KAZN: variants seen among roughly 807,000 people sequenced by gnomAD.
KAZN encodes the protein kazrin.
KAZN carries 40 observed loss-of-function variants against 87.4 expected under a neutral mutation model. The ratio of observed to expected loss-of-function variants is 0.46; its 90% CI spans 0.36 to 0.60. The LOEUF is 0.60. Among genes scored for constraint, KAZN ranks in the 20% least tolerant of loss-of-function variants. The probability of loss-of-function intolerance (pLI) is 0.00; values close to 1 mark genes in which losing one functional copy is unlikely to be tolerated. For synonymous variants in KAZN, 466 were observed against 458.3 expected (o/e 1.02, Z -0.22); for missense variants, 898 against 1,073.9 (o/e 0.84, Z 2.29).
intron 1 of KAZN, among the ~76,000 whole-genome samples, chr1:13,949,279 TG>T: frequency 6.6e-6 from 1 of 151,402 alleles, no homozygotes; most frequent in South Asian, 2.1e-4. Flanking sequence ...GTTTTGTTAC[TG>T]AATCATTCCC....
In KAZN at chr1:14,902,584, G is replaced by A. The variant is rs565434322; in HGVS notation, c.227-58100G>A. 2.6e-5 allele frequency among the ~76,000 whole-genome samples: 4 copies of A among 152,228 alleles called. No homozygotes were observed. The East Asian group carries it at 7.8e-4, about 30-fold the overall frequency. ...GTTTCCAAGGGGAGGCTAATATTCA[G>A]CTAGAGCCAGAAAAATACAGTTCCT... On this transcript the variant is annotated intron_variant, in intron 1 of 14. Coordinates refer to ENST00000376030, the MANE Select transcript of KAZN (RefSeq NM_201628.3).
chr1:13,992,992 T>C (rs1264017670), intron 1 of KAZN, among the ~76,000 whole-genome samples: 2 of 152,246 alleles, frequency 1.3e-5, no homozygotes, highest in African/African-American at 4.8e-5. Context: ...TGATAGAGTC[T>C]ATGACTGGTG....
intron 2 of KAZN, among the ~76,000 whole-genome samples, chr1:14,997,200 C>CATTTA (rs1667962407): frequency 1.6e-5 from 2 of 126,806 alleles, no homozygotes; most frequent in South Asian, 5.1e-4. Flanking sequence ...TTCTTTCTTT[C>CATTTA]TTTCATTTAT....
At chr1:15,023,913 G>A (rs1670932017) in intron 2 of KAZN, among the ~76,000 whole-genome samples, 1 of 149,948 alleles carries the variant, frequency 6.7e-6, no homozygotes, top group South Asian at 2.2e-4. Context: ...AGTTTGGGGG[G>A]GTGGTCAAGG....
At chr1:14,992,684 C>T (rs1424862409) in intron 2 of KAZN, among the ~76,000 whole-genome samples, 3 of 152,124 alleles carry the variant, frequency 2.0e-5, no homozygotes, top group Non-Finnish European at 4.4e-5. Context: ...AGCCCTATCG[C>T]CCAGGCTGGA....
intron 1 of KAZN, among the ~76,000 whole-genome samples, chr1:13,977,739 A>G (rs1638432045): frequency 6.6e-6 from 1 of 152,214 alleles, no homozygotes; most frequent in South Asian, 2.1e-4. Flanking sequence ...TGATGCCTAG[A>G]CAGTTGAGAG....
chr1:14,873,788 G>A (rs1362816509), intron 1 of KAZN, among the ~76,000 whole-genome samples: 1 of 152,188 alleles, frequency 6.6e-6, no homozygotes, highest in African/African-American at 2.4e-5. Flanking sequence ...AGTTTGTGGT[G>A]GCTGGGACCA....
intron 2 of KAZN, among the ~76,000 whole-genome samples, chr1:14,521,477 C>T (rs1034459019): frequency 6.6e-6 from 1 of 152,176 alleles, no homozygotes; most frequent in Non-Finnish European, 1.5e-5. Flanking sequence ...CAGGCCAGGC[C>T]TTTCTGTGAA....
intron 8 of KAZN, among the ~76,000 whole-genome samples, chr1:15,082,138 C>A (rs1274169865): frequency 6.6e-6 from 1 of 151,948 alleles, no homozygotes; most frequent in Non-Finnish European, 1.5e-5. Flanking sequence ...AACTCTGCCT[C>A]AGTGGCAGCC....
At chr1:14,197,616 A>G (rs1646555189) in intron 2 of KAZN, among the ~76,000 whole-genome samples, 1 of 152,142 alleles carries the variant, frequency 6.6e-6, no homozygotes, top group Admixed American at 6.6e-5. Flanking sequence ...TAAACCCAGG[A>G]GGCAGAGGTT....
intron 1 of KAZN, among the ~76,000 whole-genome samples, chr1:14,748,222 T>A (rs1240146034): frequency 6.6e-6 from 1 of 152,222 alleles, no homozygotes; most frequent in Non-Finnish European, 1.5e-5. Context: ...AAACATCTTT[T>A]AATAAAAATG....
intron 2 of KAZN, among the ~76,000 whole-genome samples, chr1:14,569,838 C>T (rs113035906): frequency 0.011 from 1,708 of 150,884 alleles, 29 homozygotes; most frequent in African/African-American, 0.04. Flanking sequence ...CCCCACCAGG[C>T]GTGGTGGCTC....
chr1:14,273,883 T>C (rs1652145518), intron 2 of KAZN, among the ~76,000 whole-genome samples: 1 of 152,118 alleles, frequency 6.6e-6, no homozygotes, highest in South Asian at 2.1e-4. Context: ...AAGGATTTCC[T>C]AAGTAAAAGC....
At chr1:14,405,606 A>ATGTGTGTGTG (rs111850452) in intron 2 of KAZN, among the ~76,000 whole-genome samples, 2,907 of 136,232 alleles carry the variant, frequency 0.021, 37 homozygotes, top group Middle Eastern at 0.047. Context: ...ACCCAATAAA[A>ATGTGTGTGTG]TGTGTGTGTG....
chr1:14,428,266 G>A (rs1001083916), intron 2 of KAZN, among the ~76,000 whole-genome samples: 1 of 152,136 alleles, frequency 6.6e-6, no homozygotes, highest in Admixed American at 6.5e-5. Flanking sequence ...AGAGGCCCGT[G>A]CTTTCAATCA....
At chr1:15,093,062 G>A (rs1640627839) in intron 8 of KAZN, among the ~76,000 whole-genome samples, 1 of 152,044 alleles carries the variant, frequency 6.6e-6, no homozygotes, top group South Asian at 2.1e-4. Context: ...GTTTACAATA[G>A]TGAAAAATTG....
At chr1:14,524,245 C>T (rs1425653163) in intron 2 of KAZN, among the ~76,000 whole-genome samples, 2 of 152,130 alleles carry the variant, frequency 1.3e-5, no homozygotes, top group African/African-American at 2.4e-5. Flanking sequence ...TGGTCTCAAA[C>T]TCCTGACCTC....
intron 2 of KAZN, among the ~76,000 whole-genome samples, chr1:14,363,907 G>A (rs771048517): frequency 2.5e-4 from 38 of 151,854 alleles, no homozygotes; most frequent in Admixed American, 1.9e-3. Flanking sequence ...TGTATTTTGC[G>A]TGTATGTGTG....
chr1:14,600,733 TG>T (rs1179737212), intron 1 of KAZN, among the ~76,000 whole-genome samples: 2 of 151,352 alleles, frequency 1.3e-5, no homozygotes, highest in African/African-American at 4.9e-5. Context: ...GCAGAGGCTC[TG>T]CTAACATTAA....
Sources: gnomAD v4.1 joint callset for allele counts (sites outside exome capture counted in the v4.1 genomes callset) on GRCh38, gnomAD v4.1.1 for gene constraint, MANE v1.5 for transcripts, NCBI Gene and HGNC (gene_info 2026-07-23, HGNC 2026-07-21) for gene names.